Variants in ASB8 observed in about 807,000 individuals in gnomAD.
ASB8 encodes ankyrin repeat and SOCS box protein 8.
ASB8 carries 15 observed loss-of-function variants against 22.9 expected under a neutral mutation model. The observed-to-expected ratio is 0.66, with a 90% CI of 0.44 to 1.01. The LOEUF (loss-of-function observed/expected upper bound fraction) is 1.01. Ranked by LOEUF, ASB8 falls within the 50% of genes least tolerant of loss-of-function variation. The pLI, the probability that ASB8 is intolerant of heterozygous loss-of-function variation, is 0.00. For missense variants in ASB8, 294 were observed against 356.9 expected, an observed-to-expected ratio of 0.82 and a Z score of 1.42; for synonymous variants, 124 against 140.8, an observed-to-expected ratio of 0.88 and a Z score of 0.84.
chr12:48,155,593 A>AT (rs966402354), intron 1 of ASB8, among the ~76,000 whole-genome samples: 1 of 150,986 alleles, frequency 6.6e-6, no homozygotes, highest in African/African-American at 2.4e-5. Flanking sequence ...GCATGGTGGC[A>AT]TGCACCACCC....
Position 48,153,416 on chromosome 12 carries a change from A to G in ASB8, c.81T>C (p.Ala27=). The change falls in exon 2 of 4, where the codon GCT becomes GCC. Residue 27 remains alanine, a synonymous_variant. Coordinates refer to ENST00000317697, the MANE Select transcript of ASB8 (RefSeq NM_024095.5). The part of the protein sequence containing the change: ...SLSERLIRTI[A]AIRSFPHDNV... ...TATCATGTGGGAAGGAACGGATGGC[A>G]GCAATTGTTCGGATTAAGCGCTCGG... is the stretch of plus-strand genomic sequence containing the variant. The G allele has an allele frequency of 6.2e-7, 1 of 1,614,022 alleles. No individual in the cohort carries two copies. Among genetic ancestry groups the G allele is most frequent in the Admixed American group, 1.7e-5 (1 of 60,032 alleles).
intron 2 of ASB8, 83 bp from the exon 3 acceptor site, chr12:48,151,388 CAG>C (rs1951201061): frequency 5.2e-6 from 6 of 1,161,082 alleles, no homozygotes; most frequent in South Asian, 1.4e-5. Context: ...GTCCAGGGGA[CAG>C]AGAGTTCTAA....
rs1388489793 is a variant in ASB8 at position 48,153,177 on chromosome 12, CAAAGTG to C, written c.129+185_129+190del. 7 of 611,274 alleles carry C rather than the reference CAAAGTG, an allele frequency of 1.1e-5. No individual in the cohort carries two copies. In the Admixed American group the frequency reaches 1.5e-4, roughly 13 times the overall value. 37.9% of individuals were successfully genotyped at this position (611,274 alleles called of 1,614,324 possible). On this transcript the variant is annotated intron_variant, in intron 2 of 3. Coordinates refer to ENST00000317697, the MANE Select transcript of ASB8 (RefSeq NM_024095.5). ...TCCATGAAGAAAAATATCAGATACACAAAGTGAAAGGGAGAAGGGAAGCGAAGCAAA... is the reference window on the plus strand; with the variant it reads ...TCCATGAAGAAAAATATCAGATACACAAAGGGAGAAGGGAAGCGAAGCAAA...
At chr12:48,157,307 A>G (rs976576274) in intron 1 of ASB8, 152 bp downstream of exon 1, 2 of 152,118 alleles carry the variant, frequency 1.3e-5, no homozygotes, top group African/African-American at 4.8e-5. Context: ...ACGCGGACCA[A>G]CCCCCTCTTC....
intron 1 of ASB8, among the ~76,000 whole-genome samples, chr12:48,155,449 C>T (rs77933352): frequency 0.01 from 1,568 of 152,044 alleles, 35 homozygotes; most frequent in East Asian, 0.092. Flanking sequence ...TGGCGGGGCG[C>T]GATGGCTCAC....
intron 1 of ASB8, among the ~76,000 whole-genome samples, chr12:48,156,963 C>CA (rs990857730): frequency 1.5e-5 from 2 of 134,206 alleles, no homozygotes; most frequent in Non-Finnish European, 3.1e-5. Context: ...GAGAAAACAC[C>CA]AAAGGGCACT....
At chr12:48,152,009 G>A (rs778143183) in intron 2 of ASB8, among the ~76,000 whole-genome samples, 6 of 152,106 alleles carry the variant, frequency 3.9e-5, no homozygotes, top group Non-Finnish European at 7.4e-5. Flanking sequence ...AAAACTAGCT[G>A]GGTGTGGTGG....
intron 1 of ASB8, among the ~76,000 whole-genome samples, chr12:48,154,775 T>TA (rs1484760491): frequency 2.6e-5 from 4 of 151,342 alleles, no homozygotes; most frequent in Admixed American, 6.6e-5. Context: ...CCATCTGTAC[T>TA]AAAAATACAA....
chr12:48,154,060 C>G (rs974598998), intron 1 of ASB8: 1 of 153,624 alleles, frequency 6.5e-6, no homozygotes, highest in Admixed American at 6.4e-5. Flanking sequence ...ATTGGTTGGT[C>G]GACTGACTAA....
At position 48,149,293 on chromosome 12, in the gene ASB8, T is replaced by G. The variant is rs574949674; in HGVS notation, c.*73A>C. The G allele has an allele frequency of 1.1e-4, 155 of 1,446,380 alleles. No individual in the cohort carries two copies. The African/African-American group carries it at 2.0e-3, about 18-fold the overall frequency. The allele number at this position is 1,446,380 out of a possible 1,614,324, so 89.6% of individuals were successfully genotyped here. Reference sequence around the variant, plus strand: ...AACAGGAACAACTGTTTTTCTGTTTTCTGTGACAAGGAGTACTGCAGGGAC... The same window carrying G: ...AACAGGAACAACTGTTTTTCTGTTTGCTGTGACAAGGAGTACTGCAGGGAC... On this transcript the variant is annotated 3_prime_UTR_variant, in exon 4 of 4. Transcript: ENST00000317697.
Position 48,149,992 on chromosome 12 carries a change from C to T in ASB8, c.241G>A (p.Ala81Thr). 6.2e-7 allele frequency: 1 copy of T among 1,612,492 alleles called. No homozygotes were observed. The highest frequency in any genetic ancestry group is 8.5e-7 in the Non-Finnish European group (1 of 1,178,736). ...GCTGTTCGGTTATACCCATCCAGGG[C>T]ATTCACCTGTAAAAAGGGAGGAACT... ...LLLEKGAEVNALDGYNRTALH... is the reference protein window; with the variant it reads ...LLLEKGAEVNTLDGYNRTALH... Residue 81 changes from alanine (A) to threonine (T), a missense_variant, in exon 4 of 4, where the codon GCC (alanine) becomes ACC (threonine). Ala to Thr is a moderately conservative substitution (Grantham distance 58). Coordinates refer to ENST00000317697, the MANE Select transcript of ASB8 (RefSeq NM_024095.5).
intron 1 of ASB8, chr12:48,157,038 G>A (rs1476560851): frequency 2.0e-5 from 3 of 149,656 alleles, no homozygotes; most frequent in African/African-American, 7.4e-5. Context: ...CAACAGCTCT[G>A]ATGCGAGGGA....
rs1476839786 is a variant in ASB8, at chr12:48,149,714, A to G, written c.519T>C (p.Tyr173=). ...GGTTGATGACTCTGACCTCTGCGCC[A>G]TAATCCAGAAGGATGCTGACACTCT... is the stretch of plus-strand genomic sequence containing the variant. The part of the protein sequence containing the change: ...NLESVSILLD[Y]GAEVRVINLI... The change falls in exon 4 of 4, where the codon TAT becomes TAC. Residue 173 remains tyrosine (Y), a synonymous_variant. Transcript: ENST00000317697. 5 of 1,614,056 alleles carry G rather than the reference A, an allele frequency of 3.1e-6. No individual in the cohort carries two copies. The highest frequency in any genetic ancestry group is 2.7e-5 in the African/African-American group (2 of 74,926).
At position 48,149,116 on chromosome 12, in the gene ASB8, T is replaced by C; in HGVS notation, c.*250A>G. ...AAAGGGGAGGATTGAGGGAGACCTC[T>C]TCTTTTGCAAAATGCAATATAAAAA... On this transcript the variant is annotated 3_prime_UTR_variant, in exon 4 of 4. Coordinates refer to ENST00000317697, the MANE Select transcript of ASB8 (RefSeq NM_024095.5). 1.9e-6 allele frequency: 1 copy of C among 530,604 alleles called. No individual in the cohort carries two copies. The highest frequency in any genetic ancestry group is 3.3e-6 in the Non-Finnish European group (1 of 301,348). The allele number at this position is 530,604 out of a possible 1,614,324, so 32.9% of individuals were successfully genotyped here.
chr12:48,150,199 C>A, intron 3 of ASB8: 1 of 710,998 alleles, frequency 1.4e-6, no homozygotes, highest in South Asian at 1.5e-5. Flanking sequence ...AAGAACTGTC[C>A]TCAAACAGTC....
chr12:48,151,320 C>T lies in ASB8; in HGVS notation c.130-15G>A. Reference sequence around the variant, plus strand: ...ACATCTGCTCCCTGTGGGCAGAAGACAACTTCAGTCAGTGTGTTCAGCTCT... The same window carrying T: ...ACATCTGCTCCCTGTGGGCAGAAGATAACTTCAGTCAGTGTGTTCAGCTCT... On this transcript the variant is annotated splice_polypyrimidine_tract_variant and intron_variant, in intron 2 of 3. Transcript: ENST00000317697. 2 of 1,586,568 alleles carry T rather than the reference C, an allele frequency of 1.3e-6. No individual in the cohort carries two copies. The highest frequency in any genetic ancestry group is 1.7e-6 in the Non-Finnish European group (2 of 1,156,416).
At chr12:48,156,986 G>GA (rs745913404) in intron 1 of ASB8, 2,533 of 77,062 alleles carry the variant, frequency 0.033, 109 homozygotes, top group African/African-American at 0.098. Flanking sequence ...CTGAGAAGCT[G>GA]AAAAAAAAAA....
intron 2 of ASB8, 119 bp downstream of exon 2, chr12:48,153,249 A>T: frequency 7.9e-7 from 1 of 1,258,604 alleles, no homozygotes; most frequent in Non-Finnish European, 1.1e-6. Flanking sequence ...TAATGCAGTT[A>T]GCAAAATGTA....
intron 3 of ASB8, 156 bp from the exon 4 acceptor site, chr12:48,150,154 T>C (rs1349259125): frequency 1.3e-6 from 1 of 799,006 alleles, no homozygotes; most frequent in South Asian, 1.4e-5. Flanking sequence ...GTGATAAAGA[T>C]GAAGATATGA....
Sources: allele counts gnomAD v4.1 joint callset (sites outside exome capture counted in the v4.1 genomes callset), GRCh38; gene constraint gnomAD v4.1.1; transcripts MANE v1.5; gene names NCBI Gene and HGNC (gene_info 2026-07-23, HGNC 2026-07-21).